Variants in LRP1B observed in about 807,000 individuals in gnomAD.
LRP1B encodes the protein low-density lipoprotein receptor-related protein 1B.
Under a neutral mutation model 556.6 loss-of-function variants are expected in LRP1B, and 217 were observed. The observed-to-expected ratio is 0.39, with a 90% CI of 0.35 to 0.44. The LOEUF (loss-of-function observed/expected upper bound fraction) is 0.44. Ranked by LOEUF, LRP1B falls within the 20% of genes least tolerant of loss-of-function variation. LRP1B has a pLI of 1.00. For synonymous variants in LRP1B, 2,047 were observed against 1,865.8 expected, an observed-to-expected ratio of 1.10 and a Z score of -2.50; for missense variants, 5,053 against 5,620.8, an observed-to-expected ratio of 0.90 and a Z score of 3.23.
At chr2:141,041,312 TA>T (rs986565265) in intron 11 of LRP1B, among the ~76,000 whole-genome samples, 48 of 152,216 alleles carry the variant, frequency 3.2e-4, no homozygotes, top group African/African-American at 1.1e-3. Flanking sequence ...AACATAAATT[TA>T]TTCTTTGACA....
intron 1 of LRP1B, among the ~76,000 whole-genome samples, chr2:141,907,568 T>C (rs1408861996): frequency 6.6e-6 from 1 of 151,926 alleles, no homozygotes; most frequent in Non-Finnish European, 1.5e-5. Flanking sequence ...ACTTTGAAAC[T>C]TTTGGAATTG....
At chr2:140,260,079 T>TAGTTTTTA (rs1295716410) in intron 86 of LRP1B, among the ~76,000 whole-genome samples, 2 of 152,014 alleles carry the variant, frequency 1.3e-5, no homozygotes, top group Non-Finnish European at 2.9e-5. Context: ...TTTTTAGTGT[T>TAGTTTTTA]TGTTTCGAAT....
intron 5 of LRP1B, among the ~76,000 whole-genome samples, chr2:141,231,766 A>G (rs1201174076): frequency 6.6e-6 from 1 of 152,164 alleles, no homozygotes; most frequent in East Asian, 1.9e-4. Flanking sequence ...TCCCCCAGGA[A>G]ATTCTCTCAA....
intron 3 of LRP1B, among the ~76,000 whole-genome samples, chr2:141,475,040 C>T (rs1682644965): frequency 6.6e-6 from 1 of 152,160 alleles, no homozygotes. Context: ...AGGGCAGATG[C>T]TGCCACAGAG....
chr2:142,018,680 A>G lies in LRP1B; in HGVS notation c.82+111968T>C, dbSNP rs190240209. Among the ~76,000 whole-genome samples, 753 of 152,236 alleles carry G rather than the reference A, an allele frequency of 4.9e-3. 4 individuals carry two copies. The highest frequency in any genetic ancestry group is 0.016 in the African/African-American group (673 of 41,562). The stretch of plus-strand genomic sequence containing the variant: ...CAAAGTCTACATGAGTTAGACTTTT[A>G]TCCATCTCAAAAATGTGCCCATGTC... On this transcript the variant is annotated intron_variant, in intron 1 of 90. Transcript: ENST00000389484.
At chr2:141,175,190 A>G (rs749280574) in intron 7 of LRP1B, among the ~76,000 whole-genome samples, 21 of 152,314 alleles carry the variant, frequency 1.4e-4, no homozygotes, top group South Asian at 4.1e-4. Context: ...AACAGAACAT[A>G]GAAGTTTGAA....
At chr2:140,314,541 A>AT (rs1684438178) in intron 83 of LRP1B, among the ~76,000 whole-genome samples, 1 of 152,128 alleles carries the variant, frequency 6.6e-6, no homozygotes, top group African/African-American at 2.4e-5. Flanking sequence ...GTTTATTTAC[A>AT]TTTAAAATAA....
At chr2:140,858,990 T>C (rs1391160685) in intron 27 of LRP1B, among the ~76,000 whole-genome samples, 3 of 152,146 alleles carry the variant, frequency 2.0e-5, no homozygotes, top group South Asian at 2.1e-4. Context: ...AGTTAGATTT[T>C]CTTTTTTTCT....
At chr2:140,982,704 A>G (rs1302918098) in intron 17 of LRP1B, among the ~76,000 whole-genome samples, 1 of 152,184 alleles carries the variant, frequency 6.6e-6, no homozygotes, top group Middle Eastern at 3.2e-3. Context: ...CATTATTTGG[A>G]GACGATCTCA....
intron 1 of LRP1B, among the ~76,000 whole-genome samples, chr2:141,814,176 G>A (rs78152821): frequency 0.11 from 17,173 of 152,074 alleles, 1,273 homozygotes; most frequent in African/African-American, 0.21. Flanking sequence ...AGTACAAAAC[G>A]GGACAAAGGC....
Position 141,019,929 on chromosome 2 carries a change from C to G in LRP1B, c.1963G>C (p.Val655Leu), listed in dbSNP as rs1490031941. ...SHPRGIVVDP[V>L]NGWMYWTDWE... ...TAGTCAAATATTGCATACCCATTAA[C>G]TGGATCCACCACAATTCCTCTGGGA... Residue 655 changes from valine (V) to leucine (L), a missense_variant, in exon 12 of 91, where the codon GTT becomes CTT. Around this residue, in one of 5 missense-constraint regions of LRP1B, gnomAD observed 3,619 missense variants for 3,931.9 expected, o/e 0.92. Coordinates refer to ENST00000389484, the MANE Select transcript of LRP1B (RefSeq NM_018557.3). The G allele has an allele frequency of 6.3e-7, 1 of 1,590,676 alleles. No homozygotes were observed. The highest frequency in any genetic ancestry group is 1.4e-5 in the African/African-American group (1 of 74,012).
At chr2:140,431,397 C>T (rs548043179) in intron 66 of LRP1B, among the ~76,000 whole-genome samples, 1 of 152,084 alleles carries the variant, frequency 6.6e-6, no homozygotes, top group Non-Finnish European at 1.5e-5. Flanking sequence ...GGCACCAGAC[C>T]AACTTGGACT....
At chr2:141,920,153 G>C (rs1369543) in intron 1 of LRP1B, among the ~76,000 whole-genome samples, 130,888 of 151,858 alleles carry the variant, frequency 0.86, 56,555 homozygotes, top group East Asian at 1. Flanking sequence ...AATTGCTCAT[G>C]CTTTCAATTG....
chr2:141,041,687 T>A (rs1011138903), intron 11 of LRP1B, among the ~76,000 whole-genome samples: 10 of 152,048 alleles, frequency 6.6e-5, no homozygotes, highest in African/African-American at 2.4e-4. Flanking sequence ...GTGAATATGG[T>A]TAACACTAAT....
intron 51 of LRP1B, among the ~76,000 whole-genome samples, chr2:140,513,482 T>C: frequency 8.4e-6 from 1 of 118,524 alleles, no homozygotes; most frequent in South Asian, 2.7e-4. Flanking sequence ...GACAGTCATC[T>C]AATTGATTAC....
chr2:141,288,957 C>T (rs1401603753), intron 3 of LRP1B, among the ~76,000 whole-genome samples: 1 of 152,102 alleles, frequency 6.6e-6, no homozygotes, highest in Non-Finnish European at 1.5e-5. Context: ...CTACTTGTAC[C>T]TTGTGTGTTT....
chr2:140,877,623 A>G (rs1693350313), intron 25 of LRP1B, among the ~76,000 whole-genome samples: 1 of 152,166 alleles, frequency 6.6e-6, no homozygotes, highest in South Asian at 2.1e-4. Context: ...CACTGAGATC[A>G]ATGCATTTGC....
At chr2:140,322,646 G>GGAGT (rs1680209045) in intron 81 of LRP1B, among the ~76,000 whole-genome samples, 1 of 151,922 alleles carries the variant, frequency 6.6e-6, no homozygotes, top group Admixed American at 6.6e-5. Flanking sequence ...CCATCAAGTA[G>GGAGT]GAGTTTGTGT....
At chr2:140,997,792 T>C (rs1450855406) in intron 15 of LRP1B, among the ~76,000 whole-genome samples, 1 of 151,998 alleles carries the variant, frequency 6.6e-6, no homozygotes, top group Admixed American at 6.6e-5. Context: ...CATGAAGTTG[T>C]GGTTTGCTGG....
Sources: allele counts gnomAD v4.1 joint callset (sites outside exome capture counted in the v4.1 genomes callset), GRCh38; gene constraint gnomAD v4.1.1; regional missense constraint gnomAD v4.1.1; transcripts MANE v1.5; gene names NCBI Gene and HGNC (gene_info 2026-07-23, HGNC 2026-07-21).